MAML2: variants seen among roughly 807,000 people sequenced by gnomAD.
MAML2 encodes mastermind-like protein 2.
In MAML2, 22 loss-of-function variants were observed where a neutral mutation model predicts 96.1. The observed-to-expected ratio is 0.23, with a 90% CI of 0.16 to 0.33. MAML2 has a LOEUF of 0.33. Among genes scored for constraint, MAML2 ranks in the 10% least tolerant of loss-of-function variants. The probability of loss-of-function intolerance (pLI) is 1.00; values close to 1 mark genes in which losing one functional copy is unlikely to be tolerated. For synonymous variants in MAML2, 561 were observed against 521.3 expected, an observed-to-expected ratio of 1.08 and a Z score of -1.04; for missense variants, 1,367 against 1,392.4, an observed-to-expected ratio of 0.98 and a Z score of 0.29.
At position 96,084,022 on chromosome 11, in the gene MAML2, T is replaced by A. The variant is rs72969752; in HGVS notation, c.2139+7870A>T. On this transcript the variant is annotated intron_variant, in intron 2 of 4. Transcript: ENST00000524717. Reference sequence around the variant, plus strand: ...GCCAAGCTGAGTAGATCAGAAGTGTTCCAGGCAGAAGGAACAGCGTATTTG... The same window carrying A: ...GCCAAGCTGAGTAGATCAGAAGTGTACCAGGCAGAAGGAACAGCGTATTTG... 3.1e-3 allele frequency among the ~76,000 whole-genome samples: 469 copies of A among 152,244 alleles called. 2 individuals are homozygous for A. Among genetic ancestry groups the A allele is most frequent in the Non-Finnish European group, 5.6e-3 (383 of 68,018 alleles).
At chr11:96,183,418 CA>C (rs11346261) in intron 1 of MAML2, among the ~76,000 whole-genome samples, 132,974 of 133,206 alleles carry the variant, frequency 1, 66,371 homozygotes, top group Middle Eastern at 1. Context: ...TCTTTTGAGA[CA>C]AGGGTTCTCT....
At chr11:96,311,954 A>T (rs527809504) in intron 1 of MAML2, among the ~76,000 whole-genome samples, 1 of 152,198 alleles carries the variant, frequency 6.6e-6, no homozygotes, top group Non-Finnish European at 1.5e-5. Context: ...GAATGAGCAA[A>T]CACCGGCCAG....
intron 2 of MAML2, among the ~76,000 whole-genome samples, chr11:96,057,976 C>T (rs1327354833): frequency 6.6e-6 from 1 of 152,180 alleles, no homozygotes; most frequent in Non-Finnish European, 1.5e-5. Flanking sequence ...TTCCAGCAGT[C>T]CTTTCATGAA....
At chr11:96,054,781 G>T (rs944522693) in intron 2 of MAML2, among the ~76,000 whole-genome samples, 1 of 152,074 alleles carries the variant, frequency 6.6e-6, no homozygotes, top group African/African-American at 2.4e-5. Flanking sequence ...CACTGATTCT[G>T]TTTGTTCTTA....
intron 1 of MAML2, among the ~76,000 whole-genome samples, chr11:96,282,267 A>T (rs1863083132): frequency 6.6e-6 from 1 of 151,570 alleles, no homozygotes; most frequent in Non-Finnish European, 1.5e-5. Context: ...AATAATAATA[A>T]TAATAATAAT....
intron 1 of MAML2, among the ~76,000 whole-genome samples, chr11:96,338,359 T>C (rs1863945935): frequency 6.6e-6 from 1 of 152,262 alleles, no homozygotes; most frequent in Non-Finnish European, 1.5e-5. Flanking sequence ...TCCCCTGAAC[T>C]TGTACTTGAG....
At chr11:96,222,986 T>C (rs968455131) in intron 1 of MAML2, among the ~76,000 whole-genome samples, 1 of 152,202 alleles carries the variant, frequency 6.6e-6, no homozygotes, top group African/African-American at 2.4e-5. Flanking sequence ...AGAAAACTTT[T>C]AGTAGCACAA....
chr11:96,220,013 T>C (rs958221820), intron 1 of MAML2, among the ~76,000 whole-genome samples: 3 of 152,216 alleles, frequency 2.0e-5, no homozygotes, highest in African/African-American at 7.2e-5. Flanking sequence ...TGTTAACTCT[T>C]GGGAAACACA....
chr11:96,051,577 C>T (rs1858991689), intron 2 of MAML2, among the ~76,000 whole-genome samples: 2 of 152,028 alleles, frequency 1.3e-5, no homozygotes, highest in African/African-American at 4.8e-5. Flanking sequence ...GATCTCATGC[C>T]CTCAACTAGT....
At chr11:96,327,622 T>A (rs576329323) in intron 1 of MAML2, among the ~76,000 whole-genome samples, 1 of 151,718 alleles carries the variant, frequency 6.6e-6, no homozygotes, top group Admixed American at 6.6e-5. Flanking sequence ...TTCACCATGT[T>A]GGCCAGGCTG....
chr11:96,067,217 C>CT (rs1165702064), intron 2 of MAML2, among the ~76,000 whole-genome samples: 1 of 152,206 alleles, frequency 6.6e-6, no homozygotes, highest in South Asian at 2.1e-4. Context: ...GTTTCTTCTG[C>CT]TGGTAGCTAC....
At chr11:96,221,233 A>T (rs1181291834) in intron 1 of MAML2, among the ~76,000 whole-genome samples, 1 of 152,226 alleles carries the variant, frequency 6.6e-6, no homozygotes, top group Non-Finnish European at 1.5e-5. Context: ...ACTTAAAGCA[A>T]TTAGCCTTGC....
chr11:96,328,133 G>A (rs1395600373), intron 1 of MAML2, among the ~76,000 whole-genome samples: 1 of 152,058 alleles, frequency 6.6e-6, no homozygotes, highest in African/African-American at 2.4e-5. Context: ...GCGCATATGT[G>A]TGTGTGCATG....
At chr11:96,190,003 T>C (rs1465752236) in intron 1 of MAML2, among the ~76,000 whole-genome samples, 1 of 152,142 alleles carries the variant, frequency 6.6e-6, no homozygotes, top group Non-Finnish European at 1.5e-5. Context: ...TTAATTCCTA[T>C]TTTTTTACTC....
intron 2 of MAML2, among the ~76,000 whole-genome samples, chr11:96,036,725 G>A (rs78958019): frequency 0.11 from 16,584 of 151,990 alleles, 1,151 homozygotes; most frequent in East Asian, 0.22. Flanking sequence ...TAACTCCGGG[G>A]CTGAGATGTG....
At chr11:96,083,365 T>C (rs938691860) in intron 2 of MAML2, among the ~76,000 whole-genome samples, 1 of 152,204 alleles carries the variant, frequency 6.6e-6, no homozygotes, top group Non-Finnish European at 1.5e-5. Flanking sequence ...GTATCCTCAG[T>C]GAAACTCTCT....
In MAML2 at chr11:96,299,060, A is replaced by AAAT. The variant is rs55878534; in HGVS notation, c.513+42322_513+42323insATT. On this transcript the variant is annotated intron_variant, in intron 1 of 4. Coordinates refer to ENST00000524717, the MANE Select transcript of MAML2 (RefSeq NM_032427.4). ...AGTCCATCTCAAAAAAAAAAAAAAA[A>AAAT]ATATATATATATATATATATAAAAT... Among the ~76,000 whole-genome samples the AAAT allele has an allele frequency of 3.0e-3, 169 of 56,330 alleles. 3 individuals carry two copies. Among genetic ancestry groups the AAAT allele is most frequent in the African/African-American group, 0.014 (154 of 11,176 alleles). 37.0% of individuals were successfully genotyped at this position (56,330 alleles called of 152,430 possible). A position where few individuals can be genotyped will look rare whatever the true frequency, so the allele number is the denominator to read the frequency against.
intron 2 of MAML2, among the ~76,000 whole-genome samples, chr11:96,058,372 T>G (rs1244376489): frequency 6.6e-6 from 1 of 152,160 alleles, no homozygotes; most frequent in Non-Finnish European, 1.5e-5. Flanking sequence ...CAGGCTGGAG[T>G]GCAGTGGCCC....
chr11:96,158,743 A>G (rs1749209643), intron 1 of MAML2, among the ~76,000 whole-genome samples: 1 of 152,178 alleles, frequency 6.6e-6, no homozygotes, highest in African/African-American at 2.4e-5. Context: ...TAAAATTATT[A>G]TTTACAACAA....
Sources: gnomAD v4.1 joint callset for allele counts (sites outside exome capture counted in the v4.1 genomes callset) on GRCh38, gnomAD v4.1.1 for gene constraint, MANE v1.5 for transcripts, NCBI Gene and HGNC (gene_info 2026-07-23, HGNC 2026-07-21) for gene names.